The following TMEM260 variants were observed in gnomAD, a reference collection of about 807,000 sequenced individuals.
TMEM260 encodes the protein transmembrane protein 260, also known as protein O-mannosyl-transferase TMEM260.
A neutral mutation model predicts 88.9 loss-of-function variants in TMEM260; 82 were observed. The observed-to-expected ratio is 0.92, with a 90% CI of 0.77 to 1.11. The LOEUF (loss-of-function observed/expected upper bound fraction) is 1.11, where lower values mean the gene tolerates loss of function less well. TMEM260 is among the 50% of genes least tolerant of loss of function. The pLI is 0.00. For synonymous variants in TMEM260, 314 were observed against 309.3 expected (o/e 1.02, Z -0.16); for missense variants, 902 against 853.4 (o/e 1.06, Z -0.71).
intron 6 of TMEM260, among the ~76,000 whole-genome samples, chr14:56,610,967 C>CTTTTTTTTTTTTT (rs61185871): frequency 3.4e-5 from 4 of 118,014 alleles, no homozygotes; most frequent in African/African-American, 3.4e-5. Context: ...TTCTTTCTTT[C>CTTTTTTTTTTTTT]TTTTTTTTTT....
chr14:56,641,859 A>G (rs1279537476), intron 15 of TMEM260, among the ~76,000 whole-genome samples: 2 of 152,018 alleles, frequency 1.3e-5, no homozygotes, highest in African/African-American at 4.8e-5. Context: ...AGTGGTTGCA[A>G]TCCTAGTCTC....
rs573194291 is a variant in TMEM260 at position 56,605,584 on chromosome 14, T to C, written c.537T>C (p.Gly179=). The C allele has an allele frequency of 6.5e-7, 1 of 1,530,344 alleles. No homozygotes were observed. The highest frequency in any genetic ancestry group is 1.4e-5 in the South Asian group (1 of 73,462). The allele number at this position is 1,530,344 out of a possible 1,614,324, so 94.8% of individuals were successfully genotyped here. A position where few individuals can be genotyped will look rare whatever the true frequency, so the allele number is the denominator to read the frequency against. ...AKERSKVAKI[G]AFCCGLSLCN... The stretch of plus-strand genomic sequence containing the variant: ...TTTATTTTCAGGTAGCTAAAATTGG[T>C]GCTTTCTGCTGTGGCCTTAGTTTAT... The change falls in exon 5 of 16, where the codon GGT becomes GGC. Residue 179 remains glycine, a synonymous_variant. Transcript: ENST00000261556.
At chr14:56,660,578 G>A in the TMEM260 span, among the ~76,000 whole-genome samples, 1 of 152,174 alleles carries the variant, frequency 6.6e-6, no homozygotes, top group Non-Finnish European at 1.5e-5. Flanking sequence ...TAGAGATGGG[G>A]AATTTGGAGA....
intron 11 of TMEM260, 105 bp downstream of exon 11, chr14:56,621,807 C>A: frequency 1.1e-6 from 1 of 910,908 alleles, no homozygotes; most frequent in Non-Finnish European, 1.6e-6. Context: ...TTTTCATGAT[C>A]ACTGTTAGGT....
At chr14:56,615,005 C>T (rs1274424170) in intron 7 of TMEM260, among the ~76,000 whole-genome samples, 4 of 152,276 alleles carry the variant, frequency 2.6e-5, no homozygotes, top group South Asian at 2.1e-4. Context: ...CATCTTTTAG[C>T]GCTTACACTT....
intron 3 of TMEM260, among the ~76,000 whole-genome samples, chr14:56,598,491 C>G (rs1886380055): frequency 6.6e-6 from 1 of 152,128 alleles, no homozygotes; most frequent in Non-Finnish European, 1.5e-5. Context: ...TAGCCCTCAC[C>G]CTGAAATGTG....
rs1471487274 is a variant in TMEM260, at chr14:56,580,016, C to T, written c.102C>T (p.Ala34=). ...TCCGCGGCGGCGTGGCGGTGTTCGC[C>T]GCCGTGGCCGCAGTGTTCACCTTCA... is the stretch of plus-strand genomic sequence containing the variant. ...GGIRGGVAVF[A]AVAAVFTFTL... is the part of the protein sequence containing the mutation. Residue 34 remains alanine, a synonymous_variant, in exon 1 of 16, where the codon GCC becomes GCT. Transcript: ENST00000261556. The T allele has an allele frequency of 2.4e-6, 3 of 1,248,442 alleles. No individual in the cohort carries two copies. The highest frequency in any genetic ancestry group is 3.0e-6 in the Non-Finnish European group (3 of 989,364). 77.3% of individuals were successfully genotyped at this position (1,248,442 alleles called of 1,614,324 possible).
chr14:56,652,007 T>C (rs1890215713), downstream of TMEM260, among the ~76,000 whole-genome samples: 1 of 152,252 alleles, frequency 6.6e-6, no homozygotes. Context: ...CTCAGCTAAA[T>C]GAAATATTCC....
At chr14:56,585,976 A>T in intron 3 of TMEM260, 64 bp downstream of exon 3, 1 of 1,501,654 alleles carries the variant, frequency 6.7e-7, no homozygotes, top group Non-Finnish European at 9.0e-7. Context: ...CTTATGGCTC[A>T]AGTACATACA....
chr14:56,640,983 G>A (rs1023747748), intron 15 of TMEM260, among the ~76,000 whole-genome samples: 32 of 152,076 alleles, frequency 2.1e-4, no homozygotes, highest in Non-Finnish European at 4.4e-5. Flanking sequence ...CAAGAAATAT[G>A]GGACTATGTG....
At chr14:56,652,266 C>T (rs1223784759), downstream of TMEM260, among the ~76,000 whole-genome samples, 1 of 152,038 alleles carries the variant, frequency 6.6e-6, no homozygotes, top group African/African-American at 2.4e-5. Context: ...GAGGCTGAGG[C>T]GGGTGGACCG....
chr14:56,600,555 A>G (rs1886512859), intron 3 of TMEM260, among the ~76,000 whole-genome samples: 1 of 152,208 alleles, frequency 6.6e-6, no homozygotes, highest in Admixed American at 6.5e-5. Flanking sequence ...GAGATACACA[A>G]ATGGCCAATA....
At chr14:56,653,846 AAAC>A (rs1277782036), downstream of TMEM260, among the ~76,000 whole-genome samples, 1 of 152,114 alleles carries the variant, frequency 6.6e-6, no homozygotes, top group Non-Finnish European at 1.5e-5. Flanking sequence ...CATCTATACT[AAAC>A]AAGTGACTTG....
intron 1 of TMEM260, among the ~76,000 whole-genome samples, chr14:56,582,285 G>T (rs547844040): frequency 1.6e-4 from 25 of 152,214 alleles, no homozygotes; most frequent in African/African-American, 6.0e-4. Context: ...GTGTCGTCTT[G>T]CCAAAATTAT....
At chr14:56,655,730 T>A in the TMEM260 span, among the ~76,000 whole-genome samples, 1 of 152,204 alleles carries the variant, frequency 6.6e-6, no homozygotes, top group Non-Finnish European at 1.5e-5. Context: ...GTGCTTATAT[T>A]GTCATGTGAA....
intron 6 of TMEM260, among the ~76,000 whole-genome samples, chr14:56,610,474 C>T (rs1266598012): frequency 2.0e-5 from 3 of 152,112 alleles, no homozygotes; most frequent in Admixed American, 2.0e-4. Flanking sequence ...GATCTCCTGA[C>T]CTCGTGATCC....
chr14:56,631,726 G>A (rs1040329915), intron 12 of TMEM260, among the ~76,000 whole-genome samples: 4 of 152,152 alleles, frequency 2.6e-5, no homozygotes, highest in Non-Finnish European at 4.4e-5. Context: ...AGGTCATACC[G>A]GTTAAACTCT....
chr14:56,634,931 A>G lies in TMEM260; in HGVS notation c.1757A>G (p.Asn586Ser), dbSNP rs780628436. 49 of 1,613,934 alleles carry G rather than the reference A, an allele frequency of 3.0e-5. 1 individual carries two copies. Among genetic ancestry groups the G allele is most frequent in the Non-Finnish European group, 4.2e-6 (5 of 1,179,986 alleles). Residue 586 changes from asparagine (N) to serine (S), a missense_variant, in exon 14 of 16, where the codon AAT (asparagine) becomes AGT (serine). Coordinates refer to ENST00000261556, the MANE Select transcript of TMEM260 (RefSeq NM_017799.4). ...CCATCTTCTTGGGAATCTGTGGCCA[A>G]TGAAGAAATGTGGCAAGCGAGGTGA... ...FDPSSWESVA[N>S]EEMWQARMKT...
the TMEM260 span, among the ~76,000 whole-genome samples, chr14:56,656,109 G>A: frequency 1.3e-5 from 2 of 152,114 alleles, no homozygotes; most frequent in African/African-American, 4.8e-5. Context: ...TGTGTGACTT[G>A]GAGTAAGTTT....
Sources: allele counts gnomAD v4.1 joint callset (sites outside exome capture counted in the v4.1 genomes callset), GRCh38; gene constraint gnomAD v4.1.1; transcripts MANE v1.5; gene names NCBI Gene and HGNC (gene_info 2026-07-23, HGNC 2026-07-21).